The following PRSS12 variants were observed in gnomAD, a reference collection of about 807,000 sequenced individuals.
PRSS12 encodes neurotrypsin.
A neutral mutation model predicts 104.4 loss-of-function variants in PRSS12; 85 were observed. The ratio of observed to expected loss-of-function variants is 0.81; its 90% CI spans 0.68 to 0.98. The LOEUF is 0.98. PRSS12 is among the 50% of genes least tolerant of loss of function. The pLI, the probability that PRSS12 is intolerant of heterozygous loss-of-function variation, is 0.00. For synonymous variants in PRSS12, 454 were observed against 425.2 expected, an observed-to-expected ratio of 1.07 and a Z score of -0.83; for missense variants, 1,141 against 1,139.2, an observed-to-expected ratio of 1.00 and a Z score of -0.02.
intron 11 of PRSS12, among the ~76,000 whole-genome samples, chr4:118,291,274 A>C (rs1322535558): frequency 6.6e-6 from 1 of 152,118 alleles, no homozygotes; most frequent in Non-Finnish European, 1.5e-5. Context: ...ATTCTAGGTA[A>C]TAATTGCCAT....
intron 1 of PRSS12, among the ~76,000 whole-genome samples, chr4:118,349,449 A>G (rs1724438007): frequency 6.6e-6 from 1 of 152,008 alleles, no homozygotes; most frequent in African/African-American, 2.4e-5. Context: ...TCTTTTAAGC[A>G]TAAGAGACTG....
chr4:118,292,979 C>T (rs1259888943), intron 11 of PRSS12, among the ~76,000 whole-genome samples: 2 of 152,086 alleles, frequency 1.3e-5, no homozygotes, highest in East Asian at 1.9e-4. Context: ...CGTGCCACTA[C>T]ACTCCAGCTA....
At chr4:118,286,577 G>A (rs1743019331) in intron 11 of PRSS12, among the ~76,000 whole-genome samples, 1 of 152,170 alleles carries the variant, frequency 6.6e-6, no homozygotes, top group Non-Finnish European at 1.5e-5. Context: ...ACCATGTCAT[G>A]ATCACTATTG....
chr4:118,286,781 A>G (rs891134762), intron 11 of PRSS12, among the ~76,000 whole-genome samples: 19 of 152,046 alleles, frequency 1.2e-4, no homozygotes, highest in African/African-American at 4.6e-4. Flanking sequence ...TCCTATAAAA[A>G]CCCCATGAAA....
Position 118,352,849 on chromosome 4 carries a change from G to A in PRSS12, c.-129C>T. ...CAGCCCCCTCCCGCCCCCGCACGCG[G>A]ACCGCCCTCGCCTCCCCAACCTTGC... On this transcript the variant is annotated 5_prime_UTR_variant, in exon 1 of 13. Transcript: ENST00000296498. The A allele has an allele frequency of 1.3e-6, 2 of 1,487,158 alleles. No individual in the cohort carries two copies. Among genetic ancestry groups the A allele is most frequent in the Admixed American group, 2.1e-5 (1 of 47,780 alleles). The allele number at this position is 1,487,158 out of a possible 1,614,324, so 92.1% of individuals were successfully genotyped here. A position where few individuals can be genotyped will look rare whatever the true frequency, so the allele number is the denominator to read the frequency against.
At chr4:118,301,781 T>G (rs1297294868) in intron 8 of PRSS12, among the ~76,000 whole-genome samples, 1 of 152,208 alleles carries the variant, frequency 6.6e-6, no homozygotes, top group Non-Finnish European at 1.5e-5. Flanking sequence ...GGCAGACGAT[T>G]GCCTTTTAAG....
At chr4:118,309,202 G>T (rs1319252084) in intron 7 of PRSS12, among the ~76,000 whole-genome samples, 1 of 152,138 alleles carries the variant, frequency 6.6e-6, no homozygotes, top group Non-Finnish European at 1.5e-5. Flanking sequence ...TAAAAGTTGA[G>T]AAACTGAACT....
At chr4:118,314,994 A>C (rs1475135521) in intron 6 of PRSS12, among the ~76,000 whole-genome samples, 1 of 152,092 alleles carries the variant, frequency 6.6e-6, no homozygotes, top group African/African-American at 2.4e-5. Context: ...AATTGTCAGC[A>C]TATTGTATTT....
chr4:118,337,115 A>C (rs772775328), intron 2 of PRSS12, among the ~76,000 whole-genome samples: 1 of 152,196 alleles, frequency 6.6e-6, no homozygotes, highest in Admixed American at 6.5e-5. Context: ...CTTTTATTCA[A>C]TACTCATTCC....
chr4:118,349,437 T>C (rs1256693997), intron 1 of PRSS12, among the ~76,000 whole-genome samples: 3 of 151,186 alleles, frequency 2.0e-5, no homozygotes, highest in African/African-American at 7.3e-5. Flanking sequence ...AGATACCAGA[T>C]ATCTTTTAAG....
intron 2 of PRSS12, among the ~76,000 whole-genome samples, chr4:118,335,940 C>T (rs1014534133): frequency 6.6e-6 from 1 of 152,146 alleles, no homozygotes; most frequent in African/African-American, 2.4e-5. Flanking sequence ...GTACTGCAGA[C>T]ATAAAAAGTA....
In PRSS12 at chr4:118,352,661, G is replaced by C; in HGVS notation, c.60C>G (p.Gly20=). ...LMLGALPEVV[G]FDSVLNDSLH... ...GGGAATCATTGAGGACAGAATCAAA[G>C]CCGACCACTTCGGGGAGCGCCCCTA... The change falls in exon 1 of 13, where the codon GGC becomes GGG. Residue 20 remains glycine (G), a synonymous_variant. Transcript: ENST00000296498. 5 of 1,613,378 alleles carry C rather than the reference G, an allele frequency of 3.1e-6. No individual in the cohort carries two copies. The highest frequency in any genetic ancestry group is 4.2e-6 in the Non-Finnish European group (5 of 1,179,616).
intron 1 of PRSS12, among the ~76,000 whole-genome samples, chr4:118,344,945 T>C (rs1342207462): frequency 6.6e-6 from 1 of 152,134 alleles, no homozygotes; most frequent in African/African-American, 2.4e-5. Flanking sequence ...TTTTATTGCA[T>C]AGCAGTGAGT....
rs1197114434 is a variant in PRSS12, at chr4:118,352,352, G to A, written c.369C>T (p.Pro123=). The change falls in exon 1 of 13, where the codon CCC becomes CCT. Residue 123 remains proline, a synonymous_variant. Coordinates refer to ENST00000296498, the MANE Select transcript of PRSS12 (RefSeq NM_003619.4). ...AEVPPFLERS[P]PASWAQLRGQ... is the part of the protein sequence containing the mutation. ...CTCGCAGCTGAGCCCAGCTCGCTGGGGGCGACCGCTCCAGGAAGGGTGGCA... is the reference window on the plus strand; with the variant it reads ...CTCGCAGCTGAGCCCAGCTCGCTGGAGGCGACCGCTCCAGGAAGGGTGGCA... The A allele has an allele frequency of 1.9e-6, 3 of 1,571,790 alleles. No homozygotes were observed. The highest frequency in any genetic ancestry group is 4.6e-5 in the East Asian group (2 of 43,556).
At chr4:118,346,995 A>G (rs1203174255) in intron 1 of PRSS12, among the ~76,000 whole-genome samples, 1 of 151,314 alleles carries the variant, frequency 6.6e-6, no homozygotes, top group Non-Finnish European at 1.5e-5. Context: ...ACACACACAG[A>G]CAGTGACCAC....
At chr4:118,309,953 T>C (rs1288614637) in intron 7 of PRSS12, among the ~76,000 whole-genome samples, 1 of 152,156 alleles carries the variant, frequency 6.6e-6, no homozygotes, top group Non-Finnish European at 1.5e-5. Context: ...CCAGTCTCTA[T>C]CCCTAATCAT....
intron 1 of PRSS12, among the ~76,000 whole-genome samples, chr4:118,344,627 C>T (rs1424111240): frequency 6.6e-6 from 1 of 152,010 alleles, no homozygotes; most frequent in Non-Finnish European, 1.5e-5. Flanking sequence ...ACTAATTGTT[C>T]ATTTATTATT....
In PRSS12 at chr4:118,317,200, TTGA is replaced by T. The variant is rs571230994; in HGVS notation, c.1151-880_1151-878del. On this transcript the variant is annotated intron_variant, in intron 5 of 12. Transcript: ENST00000296498. ...GATATGTCTCGCCTTTGTTCTTTTA[TTGA>T]TAATACAGATCTGAATTTGAATCTT... 7.1e-4 allele frequency among the ~76,000 whole-genome samples: 108 copies of T among 152,262 alleles called. No homozygotes were observed. The South Asian group carries it at 0.014, about 20-fold the overall frequency.
At chr4:118,314,543 A>G (rs1045563074) in intron 6 of PRSS12, among the ~76,000 whole-genome samples, 46 of 152,140 alleles carry the variant, frequency 3.0e-4, no homozygotes, top group African/African-American at 1.0e-3. Flanking sequence ...TACACAACAG[A>G]TAACAGGAAG....
Sources: gnomAD v4.1 joint callset for allele counts (sites outside exome capture counted in the v4.1 genomes callset) on GRCh38, gnomAD v4.1.1 for gene constraint, MANE v1.5 for transcripts, NCBI Gene and HGNC (gene_info 2026-07-23, HGNC 2026-07-21) for gene names.